IPO11: variants seen among roughly 807,000 people sequenced by gnomAD.
IPO11 encodes importin 11.
A neutral mutation model predicts 143.2 loss-of-function variants in IPO11; 66 were observed. The observed-to-expected ratio is 0.46, with a 90% CI of 0.38 to 0.57. The LOEUF (loss-of-function observed/expected upper bound fraction) is 0.57. Among genes scored for constraint, IPO11 ranks in the 20% least tolerant of loss-of-function variants. The pLI is 0.00. For synonymous variants in IPO11, 385 were observed against 377.8 expected (o/e 1.02, Z -0.22); for missense variants, 1,026 against 1,141.0 (o/e 0.90, Z 1.45).
chr5:62,437,031 C>T (rs1053731520), intron 1 of IPO11, among the ~76,000 whole-genome samples: 1 of 151,990 alleles, frequency 6.6e-6, no homozygotes, highest in African/African-American at 2.4e-5. Flanking sequence ...TTATTATCTT[C>T]TATTTATGGA....
intron 24 of IPO11, among the ~76,000 whole-genome samples, chr5:62,540,048 T>C (rs1330310349): frequency 1.3e-5 from 2 of 152,240 alleles, no homozygotes; most frequent in Non-Finnish European, 2.9e-5. Flanking sequence ...TCTCCTCTAT[T>C]ATACTGAGCT....
intron 26 of IPO11, among the ~76,000 whole-genome samples, chr5:62,557,735 T>C (rs1392721627): frequency 6.6e-6 from 1 of 152,212 alleles, no homozygotes; most frequent in African/African-American, 2.4e-5. Flanking sequence ...TCCAGAATGC[T>C]GTGTTCTTAT....
At chr5:62,621,396 T>C (rs1279943763) in intron 29 of IPO11, among the ~76,000 whole-genome samples, 2 of 152,144 alleles carry the variant, frequency 1.3e-5, no homozygotes, top group East Asian at 3.9e-4. Context: ...TCTCGCAGAT[T>C]GAATCTCAGG....
At chr5:62,480,892 T>G (rs1580228867) in intron 9 of IPO11, among the ~76,000 whole-genome samples, 1 of 151,330 alleles carries the variant, frequency 6.6e-6, no homozygotes, top group Admixed American at 6.6e-5. Context: ...AGGGACAATT[T>G]GACTTCCTCT....
chr5:62,557,947 T>G (rs1235111758), intron 26 of IPO11, among the ~76,000 whole-genome samples: 6 of 152,190 alleles, frequency 3.9e-5, no homozygotes, highest in Non-Finnish European at 8.8e-5. Flanking sequence ...TCTATTTTTT[T>G]TGTTTGTTTT....
intron 1 of IPO11, among the ~76,000 whole-genome samples, chr5:62,424,574 C>G (rs929722297): frequency 3.3e-5 from 5 of 151,830 alleles, no homozygotes; most frequent in Non-Finnish European, 5.9e-5. Context: ...TGCCACCACA[C>G]CTGGCTAAGG....
intron 15 of IPO11, among the ~76,000 whole-genome samples, chr5:62,491,505 G>A (rs770529927): frequency 7.2e-5 from 11 of 152,060 alleles, no homozygotes; most frequent in South Asian, 2.1e-4. Context: ...AGCTCCCTAC[G>A]TGTAGCTATT....
intron 5 of IPO11, among the ~76,000 whole-genome samples, chr5:62,457,511 C>T (rs116312906): frequency 3.9e-5 from 6 of 152,092 alleles, no homozygotes; most frequent in Admixed American, 1.3e-4. Context: ...CTAAACAACA[C>T]ATGAATTATT....
At chr5:62,438,953 G>A (rs1011195161) in intron 2 of IPO11, among the ~76,000 whole-genome samples, 5 of 151,730 alleles carry the variant, frequency 3.3e-5, no homozygotes, top group Non-Finnish European at 5.9e-5. Flanking sequence ...CAGCTACTTG[G>A]GAGGCTGAAG....
chr5:62,477,170 T>C (rs1745989305), intron 9 of IPO11, among the ~76,000 whole-genome samples: 1 of 152,162 alleles, frequency 6.6e-6, no homozygotes, highest in South Asian at 2.1e-4. Flanking sequence ...ATCTTTTGAG[T>C]GGAATTATAG....
At chr5:62,594,074 T>C (rs1745128414) in intron 28 of IPO11, among the ~76,000 whole-genome samples, 1 of 152,244 alleles carries the variant, frequency 6.6e-6, no homozygotes, top group South Asian at 2.1e-4. Context: ...TGAATTCTTA[T>C]TATAGTCTCT....
In IPO11 at chr5:62,435,190, G is replaced by GTATATATGTGTATATATATA. The variant is rs1561309158; in HGVS notation, c.-6-2077_-6-2076insGTGTATATATATATATATAT. Among the ~76,000 whole-genome samples, 8 of 101,762 alleles carry GTATATATGTGTATATATATA rather than the reference G, an allele frequency of 7.9e-5. 1 individual carries two copies. The Admixed American group carries it at 8.9e-4, about 11-fold the overall frequency. The allele number at this position is 101,762 out of a possible 152,430, so 66.8% of individuals were successfully genotyped here. On this transcript the variant is annotated intron_variant, in intron 1 of 29. Transcript: ENST00000325324. ...TATATATGTATATATGTATATATAT[G>GTATATATGTGTATATATATA]TATATATATGTATATATATGTGTAT...
chr5:62,467,278 G>C lies in IPO11; in HGVS notation c.649+15G>C, dbSNP rs1745604313. 1 of 1,602,116 alleles carries C rather than the reference G, an allele frequency of 6.2e-7. No homozygotes were observed. The highest frequency in any genetic ancestry group is 8.5e-7 in the Non-Finnish European group (1 of 1,175,372). On this transcript the variant is annotated intron_variant, in intron 6 of 29. Transcript: ENST00000325324. Reference sequence around the variant, plus strand: ...ATCATTGAAAGGTACTATTAAGCTTGATATGTTCATTTTTGAAATGAGATA... The same window carrying C: ...ATCATTGAAAGGTACTATTAAGCTTCATATGTTCATTTTTGAAATGAGATA...
chr5:62,462,217 T>A (rs1389328601), intron 5 of IPO11, among the ~76,000 whole-genome samples: 1 of 152,172 alleles, frequency 6.6e-6, no homozygotes, highest in African/African-American at 2.4e-5. Context: ...AAATGATAAA[T>A]AGAAAAGGAG....
Position 62,621,212 on chromosome 5 carries a change from C to A in IPO11, c.2764-5942C>A, listed in dbSNP as rs145666336. On this transcript the variant is annotated intron_variant, in intron 29 of 29. Coordinates refer to ENST00000325324, the MANE Select transcript of IPO11 (RefSeq NM_016338.5). Reference sequence around the variant, plus strand: ...GTTTTAAGTATTGGCAAAGAAGAGACGAAATTCAGAAGTCATTGTAATGAT... The same window carrying A: ...GTTTTAAGTATTGGCAAAGAAGAGAAGAAATTCAGAAGTCATTGTAATGAT... Among the ~76,000 whole-genome samples, 10 of 152,126 alleles carry A rather than the reference C, an allele frequency of 6.6e-5. No homozygotes were observed. The East Asian group carries it at 1.9e-3, about 29-fold the overall frequency.
At chr5:62,579,961 A>G (rs1299041594) in intron 27 of IPO11, 3 of 1,551,120 alleles carry the variant, frequency 1.9e-6, no homozygotes, top group Non-Finnish European at 2.6e-6. Flanking sequence ...TGGGAGTGGT[A>G]CCTTTGTTGG....
At chr5:62,586,769 A>G (rs1449281542) in intron 27 of IPO11, among the ~76,000 whole-genome samples, 25 of 47,764 alleles carry the variant, frequency 5.2e-4, no homozygotes, top group Non-Finnish European at 8.2e-4. Flanking sequence ...AAAAAAAAAA[A>G]TATATATATA....
intron 19 of IPO11, among the ~76,000 whole-genome samples, chr5:62,508,644 C>A (rs1741645976): frequency 7.0e-6 from 1 of 141,922 alleles, no homozygotes; most frequent in Admixed American, 6.9e-5. Context: ...CTTTCTTTCA[C>A]AAAGTGCAGG....
chr5:62,543,600 T>C (rs1743040395), intron 24 of IPO11, among the ~76,000 whole-genome samples: 1 of 152,106 alleles, frequency 6.6e-6, no homozygotes, highest in Non-Finnish European at 1.5e-5. Context: ...GTCTTGCTAG[T>C]GGTCTATCAA....
Sources: gnomAD v4.1 joint callset for allele counts (sites outside exome capture counted in the v4.1 genomes callset) on GRCh38, gnomAD v4.1.1 for gene constraint, MANE v1.5 for transcripts, NCBI Gene and HGNC (gene_info 2026-07-23, HGNC 2026-07-21) for gene names.